CAST: variants seen among roughly 807,000 people sequenced by gnomAD.
CAST encodes MIR583 host.
Under a neutral mutation model 119.6 loss-of-function variants are expected in CAST, and 76 were observed. The ratio of observed to expected loss-of-function variants is 0.64; its 90% CI spans 0.53 to 0.77. The LOEUF is 0.77. CAST is among the 30% of genes least tolerant of loss of function. The probability of loss-of-function intolerance (pLI) is 0.00; values close to 1 mark genes in which losing one functional copy is unlikely to be tolerated. For synonymous variants in CAST, 319 were observed against 331.6 expected, an observed-to-expected ratio of 0.96 and a Z score of 0.41; for missense variants, 953 against 946.5, an observed-to-expected ratio of 1.01 and a Z score of -0.09.
intron 1 of CAST, among the ~76,000 whole-genome samples, chr5:96,613,703 AAAC>A (rs1253298376): frequency 3.9e-5 from 6 of 152,232 alleles, no homozygotes; most frequent in East Asian, 1.9e-4. Context: ...CAAAGGCACA[AAAC>A]AACAACAACA....
At chr5:96,431,675 G>A in the CAST span, among the ~76,000 whole-genome samples, 1 of 152,086 alleles carries the variant, frequency 6.6e-6, no homozygotes, top group Non-Finnish European at 1.5e-5. Context: ...AGACAATTTG[G>A]TTTATAAAGT....
rs1423961691 is a variant in CAST, at chr5:96,761,051, T to C, written c.1834-1223T>C. 2.6e-5 allele frequency: 4 copies of C among 152,044 alleles called. No homozygotes were observed. In the East Asian group the frequency reaches 7.5e-4, roughly 29 times the overall value. 9.4% of individuals were successfully genotyped at this position (152,044 alleles called of 1,614,324 possible). Reference sequence around the variant, plus strand: ...CTCAAAGCATAGATCAATGAAAAAATTGAGAAATGGACATAAATGATTTAG... The same window carrying C: ...CTCAAAGCATAGATCAATGAAAAAACTGAGAAATGGACATAAATGATTTAG... On this transcript the variant is annotated intron_variant, in intron 24 of 31. Coordinates refer to ENST00000675179, the MANE Select transcript of CAST (RefSeq NM_001750.7).
the CAST span, chr5:96,432,979 G>T: frequency 1.2e-6 from 2 of 1,614,214 alleles, no homozygotes; most frequent in Non-Finnish European, 1.7e-6. Flanking sequence ...GCACTGTTCA[G>T]TGCACACCAA....
At chr5:96,487,354 T>C in the CAST span, among the ~76,000 whole-genome samples, 5 of 152,220 alleles carry the variant, frequency 3.3e-5, no homozygotes, top group Non-Finnish European at 7.3e-5. Flanking sequence ...CATCATACTA[T>C]CATAGCATAA....
At chr5:96,130,017 C>T in the CAST span, among the ~76,000 whole-genome samples, 1 of 120,038 alleles carries the variant, frequency 8.3e-6, no homozygotes, top group South Asian at 2.8e-4. Context: ...AGAAAACACA[C>T]ACACTTTTTT....
the CAST span, among the ~76,000 whole-genome samples, chr5:96,030,881 T>C: frequency 6.6e-6 from 1 of 152,172 alleles, no homozygotes; most frequent in Non-Finnish European, 1.5e-5. Flanking sequence ...CTTGTCTCTA[T>C]AAATAAGCAA....
At position 96,774,393 on chromosome 5, in the gene CAST, TTAATAAC is replaced by T. The variant is rs1006591819; in HGVS notation, c.*1786_*1792del. On this transcript the variant is annotated 3_prime_UTR_variant, in exon 32 of 32. Coordinates refer to ENST00000675179, the MANE Select transcript of CAST (RefSeq NM_001750.7). ...AATATCTTCGAGACTTGGGTGTTTG[TTAATAAC>T]TAATAACTGGAGTAAGCTACAGGAT... The T allele has an allele frequency of 2.7e-5, 12 of 451,982 alleles. No homozygotes were observed. The highest frequency in any genetic ancestry group is 6.4e-5 in the Admixed American group (1 of 15,630). The allele number at this position is 451,982 out of a possible 1,614,324, so 28.0% of individuals were successfully genotyped here.
At chr5:96,214,054 G>T in the CAST span, among the ~76,000 whole-genome samples, 3,182 of 152,044 alleles carry the variant, frequency 0.021, 125 homozygotes, top group African/African-American at 0.074. Flanking sequence ...ATAGAATACC[G>T]GCAACATTTA....
the CAST span, among the ~76,000 whole-genome samples, chr5:95,981,608 G>T: frequency 6.6e-6 from 1 of 152,220 alleles, no homozygotes. Flanking sequence ...CAGCGCAGTG[G>T]CTCACGCCTG....
chr5:96,423,468 G>A, the CAST span: 1 of 1,613,640 alleles, frequency 6.2e-7, no homozygotes, highest in Non-Finnish European at 8.5e-7. Context: ...TGCTGGTAAA[G>A]AAAAACAACG....
chr5:96,326,355 A>T, the CAST span, among the ~76,000 whole-genome samples: 1 of 152,100 alleles, frequency 6.6e-6, no homozygotes, highest in Non-Finnish European at 1.5e-5. Context: ...CCTTACTCTC[A>T]TCCTAAACTT....
the CAST span, among the ~76,000 whole-genome samples, chr5:96,122,289 A>T: frequency 1.3e-5 from 2 of 152,180 alleles, no homozygotes; most frequent in African/African-American, 4.8e-5. Context: ...TTTGCTGTAC[A>T]CTTGAGAGAA....
At chr5:96,032,451 T>C in the CAST span, among the ~76,000 whole-genome samples, 1 of 152,164 alleles carries the variant, frequency 6.6e-6, no homozygotes, top group Non-Finnish European at 1.5e-5. Context: ...CTATCTCAGT[T>C]TGTTTTTCTT....
the CAST span, among the ~76,000 whole-genome samples, chr5:96,305,605 C>T: frequency 1.3e-5 from 2 of 152,076 alleles, no homozygotes; most frequent in African/African-American, 4.8e-5. Flanking sequence ...GTAAATAGCT[C>T]TTATTATTTT....
At chr5:96,120,848 C>T in the CAST span, among the ~76,000 whole-genome samples, 1 of 151,572 alleles carries the variant, frequency 6.6e-6, no homozygotes, top group South Asian at 2.1e-4. Context: ...TAATCCTGCC[C>T]TAAGCCATTT....
chr5:95,976,527 C>T, the CAST span, among the ~76,000 whole-genome samples: 1 of 152,052 alleles, frequency 6.6e-6, no homozygotes, highest in African/African-American at 2.4e-5. Flanking sequence ...CATGGCAAAA[C>T]TTAAAGCAAA....
the CAST span, among the ~76,000 whole-genome samples, chr5:96,477,993 C>T: frequency 6.6e-6 from 1 of 152,190 alleles, no homozygotes; most frequent in Admixed American, 6.5e-5. Context: ...TTTCATGCCC[C>T]TGATTCACAT....
At chr5:96,753,823 G>T (rs79795772) in intron 20 of CAST, among the ~76,000 whole-genome samples, 1 of 152,058 alleles carries the variant, frequency 6.6e-6, no homozygotes, top group Non-Finnish European at 1.5e-5. Flanking sequence ...GTCAGGTCTC[G>T]TAAGTTTCAC....
chr5:96,506,846 T>G, the CAST span, among the ~76,000 whole-genome samples: 2 of 152,280 alleles, frequency 1.3e-5, no homozygotes, highest in East Asian at 3.9e-4. Flanking sequence ...GAGGCTGCAA[T>G]GCATGGGCCC....
Sources: gnomAD v4.1 joint callset for allele counts (sites outside exome capture counted in the v4.1 genomes callset) on GRCh38, gnomAD v4.1.1 for gene constraint, MANE v1.5 for transcripts, NCBI Gene and HGNC (gene_info 2026-07-23, HGNC 2026-07-21) for gene names.